The following CTDSP2 variants were observed in gnomAD, a reference collection of about 807,000 sequenced individuals.
CTDSP2 encodes the protein carboxy-terminal domain RNA polymerase II polypeptide A small phosphatase 2.
In CTDSP2, 9 loss-of-function variants were observed where a neutral mutation model predicts 31.6. The ratio of observed to expected loss-of-function variants is 0.28; its 90% CI spans 0.17 to 0.50. CTDSP2 has a LOEUF of 0.50. CTDSP2 is among the 20% of genes least tolerant of loss of function. The pLI is 0.98. For synonymous variants in CTDSP2, 134 were observed against 134.5 expected (o/e 1.00, Z 0.03); for missense variants, 267 against 348.5 (o/e 0.77, Z 1.86).
At chr12:57,827,489 G>C (rs544020228) in intron 3 of CTDSP2, 63 bp downstream of exon 3, 3 of 1,574,448 alleles carry the variant, frequency 1.9e-6, no homozygotes, top group African/African-American at 1.3e-5. Flanking sequence ...CACCCTGCCC[G>C]TGGAGCTGGC....
In CTDSP2 at chr12:57,846,493, G is replaced by A. The variant is rs1956317875; in HGVS notation, c.-58C>T. 32 of 1,465,784 alleles carry A rather than the reference G, an allele frequency of 2.2e-5. 1 individual carries two copies. In the Middle Eastern group the frequency reaches 6.4e-4, roughly 29 times the overall value. 90.8% of individuals were successfully genotyped at this position (1,465,784 alleles called of 1,614,324 possible). A position where few individuals can be genotyped will look rare whatever the true frequency, so the allele number is the denominator to read the frequency against. On this transcript the variant is annotated 5_prime_UTR_variant, in exon 1 of 8. Transcript: ENST00000398073. The stretch of plus-strand genomic sequence containing the variant: ...GGGAGGACGGGCGGGCGCGCGGGCT[G>A]GGCTGGGCTGGGGGGCCTGGGCGGG...
Position 57,823,527 on chromosome 12 carries a change from CTG to C in CTDSP2, c.*73_*74del, listed in dbSNP as rs1395740380. The C allele has an allele frequency of 6.4e-6, 10 of 1,555,482 alleles. No individual in the cohort carries two copies. The highest frequency in any genetic ancestry group is 7.9e-6 in the Non-Finnish European group (9 of 1,144,486). ...GTGGTGAGGCACTCCAGCTTCTACT[CTG>C]TCACGCTGATCGTAAAGGCACAGTG... On this transcript the variant is annotated 3_prime_UTR_variant, in exon 8 of 8. Transcript: ENST00000398073.
At chr12:57,842,311 C>A (rs1286430088) in intron 1 of CTDSP2, 1 of 152,162 alleles carries the variant, frequency 6.6e-6, no homozygotes, top group Non-Finnish European at 1.5e-5. Flanking sequence ...TAGTATTTAC[C>A]ATTTTAACAA....
chr12:57,824,551 G>A (rs552686302), intron 5 of CTDSP2: 3 of 667,252 alleles, frequency 4.5e-6, no homozygotes, highest in Non-Finnish European at 8.6e-6. Context: ...ACCTGGCTCA[G>A]GAAGAAGCGC....
Position 57,827,541 on chromosome 12 carries a change from G to A in CTDSP2, c.252+11C>T. 1 of 1,614,020 alleles carries A rather than the reference G, an allele frequency of 6.2e-7. No individual in the cohort carries two copies. Among genetic ancestry groups the A allele is most frequent in the East Asian group, 2.2e-5 (1 of 44,880 alleles). On this transcript the variant is annotated intron_variant, in intron 3 of 7. Coordinates refer to ENST00000398073, the MANE Select transcript of CTDSP2 (RefSeq NM_005730.4). Reference sequence around the variant, plus strand: ...TGGCTTCTGAGTACTTACCAGGCCAGAGTCACGTACCTGGTAGAACTGGTA... The same window carrying A: ...TGGCTTCTGAGTACTTACCAGGCCAAAGTCACGTACCTGGTAGAACTGGTA...
At chr12:57,835,469 T>G (rs1481836111) in intron 1 of CTDSP2, among the ~76,000 whole-genome samples, 2 of 152,162 alleles carry the variant, frequency 1.3e-5, no homozygotes, top group Non-Finnish European at 2.9e-5. Flanking sequence ...CGTAGGAAAT[T>G]CATTGCACAT....
At chr12:57,839,466 C>A (rs1017306481) in intron 1 of CTDSP2, among the ~76,000 whole-genome samples, 1 of 152,202 alleles carries the variant, frequency 6.6e-6, no homozygotes, top group Non-Finnish European at 1.5e-5. Flanking sequence ...AGCCTGTAAT[C>A]CCAGCACTTT....
chr12:57,843,236 A>AAAGCC (rs1956293583), intron 1 of CTDSP2, among the ~76,000 whole-genome samples: 1 of 152,200 alleles, frequency 6.6e-6, no homozygotes, highest in Non-Finnish European at 1.5e-5. Flanking sequence ...ATCTAATCCC[A>AAAGCC]AAGCCAAGGT....
Position 57,837,461 on chromosome 12 carries a change from A to C in CTDSP2, c.65-7865T>G, listed in dbSNP as rs373227495. Among the ~76,000 whole-genome samples, 57 of 152,324 alleles carry C rather than the reference A, an allele frequency of 3.7e-4. 3 individuals carry two copies. Among genetic ancestry groups the C allele is most frequent in the East Asian group, 1.2e-3 (6 of 5,186 alleles). Reference sequence around the variant, plus strand: ...TTTTAACACTTTGGGGGGCAAAGGCAGTGGGGATCACTTAAGGTCAGAAGT... The same window carrying C: ...TTTTAACACTTTGGGGGGCAAAGGCCGTGGGGATCACTTAAGGTCAGAAGT... On this transcript the variant is annotated intron_variant, in intron 1 of 7. Transcript: ENST00000398073.
At chr12:57,842,347 T>A (rs1332063621) in intron 1 of CTDSP2, 1 of 152,120 alleles carries the variant, frequency 6.6e-6, no homozygotes, top group African/African-American at 2.4e-5. Flanking sequence ...ATTTGGAAGG[T>A]CCCATGGAAA....
chr12:57,846,127 G>T (rs2140488151), intron 1 of CTDSP2, among the ~76,000 whole-genome samples: 1 of 152,334 alleles, frequency 6.6e-6, no homozygotes. Flanking sequence ...GAGGGGGAGG[G>T]GTTGCGGGAC....
At chr12:57,831,430 C>G (rs1956215210) in intron 1 of CTDSP2, among the ~76,000 whole-genome samples, 1 of 152,098 alleles carries the variant, frequency 6.6e-6, no homozygotes, top group Admixed American at 6.5e-5. Flanking sequence ...TCCAGCCTGG[C>G]CGACACAGCA....
chr12:57,828,953 G>C (rs1956199305), intron 2 of CTDSP2, among the ~76,000 whole-genome samples: 1 of 152,226 alleles, frequency 6.6e-6, no homozygotes, highest in South Asian at 2.1e-4. Flanking sequence ...CAATTCCTTG[G>C]TTCCCTGTAA....
In CTDSP2 at chr12:57,819,995, T is replaced by C. The variant is rs1956133957; in HGVS notation, c.*3607A>G. 1 of 152,666 alleles carries C rather than the reference T, an allele frequency of 6.6e-6. No homozygotes were observed. 9.5% of individuals were successfully genotyped at this position (152,666 alleles called of 1,614,324 possible). On this transcript the variant is annotated 3_prime_UTR_variant, in exon 8 of 8. Coordinates refer to ENST00000398073, the MANE Select transcript of CTDSP2 (RefSeq NM_005730.4). ...AAGTAATACAAATATTCCAAAAATA[T>C]AAACAGACACTTAATGGCGTCCTGC...
chr12:57,823,311 G>C lies in CTDSP2; in HGVS notation c.*291C>G. 2.4e-6 allele frequency: 1 copy of C among 423,802 alleles called. No homozygotes were observed. Among genetic ancestry groups the C allele is most frequent in the South Asian group, 2.6e-5 (1 of 38,570 alleles). The allele number at this position is 423,802 out of a possible 1,614,324, so 26.3% of individuals were successfully genotyped here. A position where few individuals can be genotyped will look rare whatever the true frequency, so the allele number is the denominator to read the frequency against. ...TTGGTCTTTCAGCTTCTCCCCCACT[G>C]AAACACTATACACTGGGGCCACAGT... On this transcript the variant is annotated 3_prime_UTR_variant, in exon 8 of 8. Transcript: ENST00000398073.
intron 3 of CTDSP2, 152 bp from the exon 4 acceptor site, chr12:57,827,249 G>A: frequency 1.5e-6 from 1 of 648,456 alleles, no homozygotes; most frequent in Non-Finnish European, 2.7e-6. Flanking sequence ...AGGAGGTGGA[G>A]TTGTTTCCTT....
chr12:57,825,477 A>G (rs981909297), intron 5 of CTDSP2, among the ~76,000 whole-genome samples: 5 of 152,216 alleles, frequency 3.3e-5, no homozygotes, highest in South Asian at 2.1e-4. Context: ...TTCACAGTGT[A>G]TATCTGTTTG....
At position 57,829,542 on chromosome 12, in the gene CTDSP2, G is replaced by C; in HGVS notation, c.119C>G (p.Ala40Gly). Residue 40 changes from alanine to glycine, a missense_variant, in exon 2 of 8, where the codon GCC (alanine) becomes GGC (glycine). Physicochemically the swap from Ala to Gly is moderately conservative, Grantham distance 60 (BLOSUM62 0). Around this residue, in one of 2 missense-constraint regions of CTDSP2, gnomAD observed 111 missense variants for 107.1 expected, o/e 1.04. Coordinates refer to ENST00000398073, the MANE Select transcript of CTDSP2 (RefSeq NM_005730.4). The stretch of plus-strand genomic sequence containing the variant: ...CTGGGCGCGAAAACAGCAGAAAAGG[G>C]CCTTGAAGATGTTACGTCCACGAGG... ...KKPRGRNIFK[A>G]LFCCFRAQHV... 1 of 1,614,116 alleles carries C rather than the reference G, an allele frequency of 6.2e-7. No homozygotes were observed. Among genetic ancestry groups the C allele is most frequent in the Non-Finnish European group, 8.5e-7 (1 of 1,179,998 alleles).
chr12:57,837,003 C>G lies in CTDSP2; in HGVS notation c.65-7407G>C, dbSNP rs541218950. 2.0e-5 allele frequency: 3 copies of G among 152,336 alleles called. No homozygotes were observed. The South Asian group carries it at 6.2e-4, about 32-fold the overall frequency. 9.4% of individuals were successfully genotyped at this position (152,336 alleles called of 1,614,324 possible). The stretch of plus-strand genomic sequence containing the variant: ...CTATAAAATGGCCCCTCTGAGGGGC[C>G]TCCTTCCTCTCAGCTATTGGAGGAA... On this transcript the variant is annotated intron_variant, in intron 1 of 7. Transcript: ENST00000398073.
Sources: allele counts gnomAD v4.1 joint callset (sites outside exome capture counted in the v4.1 genomes callset), GRCh38; gene constraint gnomAD v4.1.1; regional missense constraint gnomAD v4.1.1; transcripts MANE v1.5; gene names NCBI Gene and HGNC (gene_info 2026-07-23, HGNC 2026-07-21).